Variants in LHFPL6 observed in about 807,000 individuals in gnomAD.
LHFPL6 encodes the protein LHFPL tetraspan subfamily member 6.
In LHFPL6, 9 loss-of-function variants were observed where a neutral mutation model predicts 20.6. That is an observed-to-expected ratio of 0.44 (90% CI 0.26 to 0.76). The LOEUF is 0.76. Among genes scored for constraint, LHFPL6 ranks in the 30% least tolerant of loss-of-function variants. The pLI is 0.20. For missense variants in LHFPL6, 218 were observed against 253.5 expected, an observed-to-expected ratio of 0.86 and a Z score of 0.95; for synonymous variants, 105 against 98.7, an observed-to-expected ratio of 1.06 and a Z score of -0.38.
intron 3 of LHFPL6, among the ~76,000 whole-genome samples, chr13:39,355,018 A>C (rs1028428826): frequency 6.6e-6 from 1 of 150,424 alleles, no homozygotes; most frequent in African/African-American, 2.5e-5. Flanking sequence ...CCACAATCTC[A>C]CTAGGGAAGT....
intron 3 of LHFPL6, among the ~76,000 whole-genome samples, chr13:39,363,747 A>T (rs1207201322): frequency 6.6e-6 from 1 of 152,130 alleles, no homozygotes; most frequent in Non-Finnish European, 1.5e-5. Flanking sequence ...CTCTAATCTA[A>T]AAATGCAGTC....
chr13:39,438,089 A>G (rs534063048), intron 2 of LHFPL6, among the ~76,000 whole-genome samples: 6 of 152,324 alleles, frequency 3.9e-5, no homozygotes, highest in African/African-American at 1.4e-4. Flanking sequence ...TGTTGTGACC[A>G]AAATTCTGAT....
chr13:39,489,744 C>T (rs368133114), intron 2 of LHFPL6, among the ~76,000 whole-genome samples: 16 of 152,002 alleles, frequency 1.1e-4, no homozygotes, highest in African/African-American at 3.1e-4. Flanking sequence ...GTAGAGACGA[C>T]GTGTTTCACT....
chr13:39,422,516 G>T (rs1279505793), intron 2 of LHFPL6, among the ~76,000 whole-genome samples: 5 of 151,172 alleles, frequency 3.3e-5, no homozygotes, highest in Non-Finnish European at 7.4e-5. Flanking sequence ...AACCTAGGAG[G>T]CGGCAGTTGC....
At chr13:39,438,069 C>T (rs548328823) in intron 2 of LHFPL6, among the ~76,000 whole-genome samples, 10 of 152,232 alleles carry the variant, frequency 6.6e-5, no homozygotes, top group South Asian at 2.1e-4. Context: ...TTCCTAGAGA[C>T]GTATTAAATT....
At position 39,539,829 on chromosome 13, in the gene LHFPL6, C is replaced by T. The variant is rs371800213; in HGVS notation, c.385+61003G>A. On this transcript the variant is annotated intron_variant, in intron 2 of 3. Coordinates refer to ENST00000379589, the MANE Select transcript of LHFPL6 (RefSeq NM_005780.3). ...ATATTTAGAGGATTAATTAAGTTGCCCCTTTGGTTCAGACTGCCTATTAAA... is the reference window on the plus strand; with the variant it reads ...ATATTTAGAGGATTAATTAAGTTGCTCCTTTGGTTCAGACTGCCTATTAAA... Among the ~76,000 whole-genome samples the T allele has an allele frequency of 2.6e-5, 4 of 152,164 alleles. No homozygotes were observed. In the East Asian group the frequency reaches 5.8e-4, roughly 22 times the overall value.
At chr13:39,358,034 T>C (rs1305391330) in intron 3 of LHFPL6, among the ~76,000 whole-genome samples, 1 of 152,022 alleles carries the variant, frequency 6.6e-6, no homozygotes, top group Non-Finnish European at 1.5e-5. Flanking sequence ...GTTCATACAA[T>C]TAGAAAAAAA....
chr13:39,572,288 C>CTCTGTGTGTG (rs1441566883), intron 2 of LHFPL6, among the ~76,000 whole-genome samples: 1 of 143,406 alleles, frequency 7.0e-6, no homozygotes, highest in East Asian at 2.1e-4. Flanking sequence ...TTTTTAAACT[C>CTCTGTGTGTG]TGTGTGTGTG....
At chr13:39,354,566 GA>G (rs1869678034) in intron 3 of LHFPL6, among the ~76,000 whole-genome samples, 2 of 152,116 alleles carry the variant, frequency 1.3e-5, no homozygotes, top group Admixed American at 6.5e-5. Flanking sequence ...AACAGACACA[GA>G]ATTCAGAATA....
intron 2 of LHFPL6, among the ~76,000 whole-genome samples, chr13:39,463,105 C>G (rs555316909): frequency 1.3e-5 from 2 of 152,180 alleles, no homozygotes; most frequent in Non-Finnish European, 2.9e-5. Context: ...TGGGCTTCAT[C>G]GCTATTGCCA....
At chr13:39,516,841 A>T (rs1364777719) in intron 2 of LHFPL6, among the ~76,000 whole-genome samples, 1 of 152,234 alleles carries the variant, frequency 6.6e-6, no homozygotes, top group African/African-American at 2.4e-5. Context: ...CACAAAGCAA[A>T]CATCCAAAGT....
chr13:39,391,106 G>C (rs150915705), intron 2 of LHFPL6, among the ~76,000 whole-genome samples: 1 of 152,314 alleles, frequency 6.6e-6, no homozygotes, highest in Non-Finnish European at 1.5e-5. Flanking sequence ...ATCATGCCTT[G>C]ATATAGCACA....
chr13:39,524,168 C>G (rs1870211691), intron 2 of LHFPL6, among the ~76,000 whole-genome samples: 1 of 152,056 alleles, frequency 6.6e-6, no homozygotes, highest in African/African-American at 2.4e-5. Flanking sequence ...CCACTGCGCT[C>G]AAGAAGTAAA....
Position 39,535,820 on chromosome 13 carries a change from C to T in LHFPL6, c.385+65012G>A, listed in dbSNP as rs1870600217. ...CCTCTTCTTTTGAGAGTCATAATCA[C>T]CTGTTCCTAGTTATTATAGTGAATA... On this transcript the variant is annotated intron_variant, in intron 2 of 3. Coordinates refer to ENST00000379589, the MANE Select transcript of LHFPL6 (RefSeq NM_005780.3). Among the ~76,000 whole-genome samples the T allele has an allele frequency of 2.6e-5, 4 of 152,026 alleles. No individual in the cohort carries two copies. The South Asian group carries it at 6.2e-4, about 24-fold the overall frequency.
intron 2 of LHFPL6, among the ~76,000 whole-genome samples, chr13:39,587,538 T>G (rs922389607): frequency 6.6e-6 from 1 of 151,948 alleles, no homozygotes; most frequent in Non-Finnish European, 1.5e-5. Context: ...ATCCTATAAG[T>G]TCATAGCAAG....
At chr13:39,365,721 A>G (rs527263363) in intron 3 of LHFPL6, among the ~76,000 whole-genome samples, 2 of 152,310 alleles carry the variant, frequency 1.3e-5, no homozygotes, top group East Asian at 3.9e-4. Flanking sequence ...CTCTCTTTTT[A>G]GGTATTTGGA....
intron 2 of LHFPL6, among the ~76,000 whole-genome samples, chr13:39,510,943 G>A (rs2138474532): frequency 6.6e-6 from 1 of 151,654 alleles, no homozygotes; most frequent in South Asian, 2.1e-4. Context: ...CACCATCTCA[G>A]CTCACTGCAA....
At chr13:39,558,738 C>A (rs1336742381) in intron 2 of LHFPL6, among the ~76,000 whole-genome samples, 1 of 152,170 alleles carries the variant, frequency 6.6e-6, no homozygotes, top group African/African-American at 2.4e-5. Context: ...AGAGGAGAAG[C>A]CCTTGACCTG....
At chr13:39,519,435 A>T (rs554488258) in intron 2 of LHFPL6, among the ~76,000 whole-genome samples, 77 of 152,310 alleles carry the variant, frequency 5.1e-4, no homozygotes, top group African/African-American at 1.7e-3. Context: ...CCAGGTCAGC[A>T]TTAATGTCCC....
Sources: allele counts gnomAD v4.1 joint callset (sites outside exome capture counted in the v4.1 genomes callset), GRCh38; gene constraint gnomAD v4.1.1; transcripts MANE v1.5; gene names NCBI Gene and HGNC (gene_info 2026-07-23, HGNC 2026-07-21).